Variants in PRKAA1 observed in about 807,000 individuals in gnomAD.
PRKAA1 encodes the protein protein kinase AMP-activated catalytic subunit alpha 1.
In PRKAA1, 23 loss-of-function variants were observed where a neutral mutation model predicts 56.9. The observed-to-expected ratio is 0.40, with a 90% CI of 0.29 to 0.57. The LOEUF (loss-of-function observed/expected upper bound fraction) is 0.57, where lower values mean the gene tolerates loss of function less well. Among genes scored for constraint, PRKAA1 ranks in the 20% least tolerant of loss-of-function variants. The pLI is 0.39. For missense variants in PRKAA1, 413 were observed against 679.7 expected (o/e 0.61, Z 4.36); for synonymous variants, 226 against 227.0 (o/e 1.00, Z 0.04).
At chr5:40,784,779 T>C (rs138659384) in intron 1 of PRKAA1, among the ~76,000 whole-genome samples, 5 of 152,290 alleles carry the variant, frequency 3.3e-5, no homozygotes, top group South Asian at 2.1e-4. Flanking sequence ...TACAGGAAAC[T>C]GAGGCACAGA....
intron 1 of PRKAA1, among the ~76,000 whole-genome samples, chr5:40,787,322 G>A (rs193212322): frequency 1.7e-4 from 26 of 151,820 alleles, no homozygotes; most frequent in East Asian, 1.6e-3. Flanking sequence ...AAAATTAGCC[G>A]GGCGTGGTGG....
rs154283 is a variant in PRKAA1 at position 40,787,831 on chromosome 5, A to C, written c.127+10232T>G. Among the ~76,000 whole-genome samples, 170 of 152,350 alleles carry C rather than the reference A, an allele frequency of 1.1e-3. 1 individual carries two copies. In the East Asian group the frequency reaches 0.028, roughly 25 times the overall value. ...AACAATTAACAAAATGGCACTACTA[A>C]GTCCTTACCTATCAATAATTACTTC... On this transcript the variant is annotated intron_variant, in intron 1 of 8. Coordinates refer to ENST00000397128, the MANE Select transcript of PRKAA1 (RefSeq NM_006251.6).
intron 1 of PRKAA1, among the ~76,000 whole-genome samples, chr5:40,780,006 CTA>C (rs1744198500): frequency 1.3e-5 from 2 of 152,192 alleles, no homozygotes; most frequent in East Asian, 1.9e-4. Context: ...CAAATTGGCA[CTA>C]TGTGTGAAAG....
rs192700755 is a variant in PRKAA1 at position 40,795,634 on chromosome 5, G to A, written c.127+2429C>T. Among the ~76,000 whole-genome samples, 6 of 152,200 alleles carry A rather than the reference G, an allele frequency of 3.9e-5. No individual in the cohort carries two copies. In the East Asian group the frequency reaches 1.2e-3, roughly 29 times the overall value. Reference sequence around the variant, plus strand: ...TTCCCTGCTGGAAGGACTTATCTGTGGAAAGAGAACCACAGATAAGTTCTT... The same window carrying A: ...TTCCCTGCTGGAAGGACTTATCTGTAGAAAGAGAACCACAGATAAGTTCTT... On this transcript the variant is annotated intron_variant, in intron 1 of 8. Coordinates refer to ENST00000397128, the MANE Select transcript of PRKAA1 (RefSeq NM_006251.6).
rs1406086689 is a variant in PRKAA1 at position 40,775,473 on chromosome 5, A to G, written c.300T>C (p.Ile100=). 6.2e-7 allele frequency: 1 copy of G among 1,607,320 alleles called. No homozygotes were observed. Among genetic ancestry groups the G allele is most frequent in the East Asian group, 2.2e-5 (1 of 44,808 alleles). Residue 100 remains isoleucine (I), a synonymous_variant, in exon 3 of 9, where the codon ATT becomes ATC. Transcript: ENST00000397128. ...LYQVISTPSD[I]FMVMEYVSGG... is the part of the protein sequence containing the mutation. ...CTGAGACATATTCCATCACCATGAA[A>G]ATATCAGATGGTGTACTGATGACCT...
rs111400130 is a variant in PRKAA1 at position 40,773,214 on chromosome 5, C to T, written c.364-1351G>A. Reference sequence around the variant, plus strand: ...CAAGAAACTATTATAAGATACCATTCCTCTAGAAAAATACTAATCCTTTAG... The same window carrying T: ...CAAGAAACTATTATAAGATACCATTTCTCTAGAAAAATACTAATCCTTTAG... On this transcript the variant is annotated intron_variant, in intron 3 of 8. Coordinates refer to ENST00000397128, the MANE Select transcript of PRKAA1 (RefSeq NM_006251.6). 6.1e-3 allele frequency among the ~76,000 whole-genome samples: 929 copies of T among 152,120 alleles called. 13 individuals carry two copies. The highest frequency in any genetic ancestry group is 0.021 in the African/African-American group (879 of 41,510).
In PRKAA1 at chr5:40,794,510, CTTTGTT is replaced by C. The variant is rs1252485140; in HGVS notation, c.127+3547_127+3552del. ...ATTTAATTAGGTCCCATCTATTTAT[CTTTGTT>C]TTTATTGCATTTGCTTTTGGGTTCT... On this transcript the variant is annotated intron_variant, in intron 1 of 8. Coordinates refer to ENST00000397128, the MANE Select transcript of PRKAA1 (RefSeq NM_006251.6). 2.0e-4 allele frequency among the ~76,000 whole-genome samples: 26 copies of C among 129,454 alleles called. 10 individuals are homozygous for C. Among genetic ancestry groups the C allele is most frequent in the South Asian group, 1.2e-3 (5 of 4,048 alleles). The allele number at this position is 129,454 out of a possible 152,430, so 84.9% of individuals were successfully genotyped here. A position where few individuals can be genotyped will look rare whatever the true frequency, so the allele number is the denominator to read the frequency against.
rs1046179142 is a variant in PRKAA1, at chr5:40,760,957, T to C, written c.*1821A>G. On this transcript the variant is annotated 3_prime_UTR_variant, in exon 9 of 9. Transcript: ENST00000397128. ...AATGATACAATATTATCATACACGA[T>C]ACCAATTTTATCTGAGGTGACTACA... is the stretch of plus-strand genomic sequence containing the variant. The C allele has an allele frequency of 2.0e-5, 3 of 152,300 alleles. No individual in the cohort carries two copies. The highest frequency in any genetic ancestry group is 2.1e-4 in the South Asian group (1 of 4,834). The allele number at this position is 152,300 out of a possible 1,614,324, so 9.4% of individuals were successfully genotyped here.
In PRKAA1 at chr5:40,765,220, T is replaced by C; in HGVS notation, c.840A>G (p.Lys280=). ...IKDIREHEWF[K]QDLPKYLFPE... ...GAAAGAGATATTTTGGAAGGTCCTGTTTAAACCATTCATGTTCCCTGAGAG... is the reference window on the plus strand; with the variant it reads ...GAAAGAGATATTTTGGAAGGTCCTGCTTAAACCATTCATGTTCCCTGAGAG... Residue 280 remains lysine (K), a synonymous_variant, in exon 7 of 9, where the codon AAA becomes AAG. Coordinates refer to ENST00000397128, the MANE Select transcript of PRKAA1 (RefSeq NM_006251.6). 1 of 1,612,064 alleles carries C rather than the reference T, an allele frequency of 6.2e-7. No individual in the cohort carries two copies. The highest frequency in any genetic ancestry group is 1.1e-5 in the South Asian group (1 of 90,742).
chr5:40,782,788 A>G (rs1378173543), intron 1 of PRKAA1, among the ~76,000 whole-genome samples: 2 of 152,194 alleles, frequency 1.3e-5, no homozygotes, highest in East Asian at 1.9e-4. Flanking sequence ...GGAATTGAGT[A>G]TAATTTAACT....
At chr5:40,786,809 A>AT (rs1184160102) in intron 1 of PRKAA1, among the ~76,000 whole-genome samples, 4 of 149,482 alleles carry the variant, frequency 2.7e-5, no homozygotes, top group African/African-American at 9.9e-5. Flanking sequence ...AAAAAAAAAA[A>AT]AAAGCTGCCA....
chr5:40,760,288 T>A lies in PRKAA1; in HGVS notation c.*2490A>T, dbSNP rs892017582. 6.5e-6 allele frequency: 1 copy of A among 152,678 alleles called. No individual in the cohort carries two copies. The highest frequency in any genetic ancestry group is 2.4e-5 in the African/African-American group (1 of 41,454). 9.5% of individuals were successfully genotyped at this position (152,678 alleles called of 1,614,324 possible). A position where few individuals can be genotyped will look rare whatever the true frequency, so the allele number is the denominator to read the frequency against. On this transcript the variant is annotated 3_prime_UTR_variant, in exon 9 of 9. Coordinates refer to ENST00000397128, the MANE Select transcript of PRKAA1 (RefSeq NM_006251.6). ...TTGTCTGTGCATTTATCATACTATTTATAGAAGTGCAATATTTAAATATTT... is the reference window on the plus strand; with the variant it reads ...TTGTCTGTGCATTTATCATACTATTAATAGAAGTGCAATATTTAAATATTT...
chr5:40,766,577 T>C (rs1743445282), intron 6 of PRKAA1, among the ~76,000 whole-genome samples: 1 of 152,110 alleles, frequency 6.6e-6, no homozygotes, highest in Admixed American at 6.5e-5. Flanking sequence ...TTGCATGTAA[T>C]TCAATGTATA....
At position 40,798,091 on chromosome 5, in the gene PRKAA1, C is replaced by T; in HGVS notation, c.99G>A (p.Leu33=). 2 of 1,609,810 alleles carry T rather than the reference C, an allele frequency of 1.2e-6. No individual in the cohort carries two copies. Among genetic ancestry groups the T allele is most frequent in the Non-Finnish European group, 1.7e-6 (2 of 1,177,644 alleles). The change falls in exon 1 of 9, where the codon CTG becomes CTA. Residue 33 remains leucine (L), a synonymous_variant. Coordinates refer to ENST00000397128, the MANE Select transcript of PRKAA1 (RefSeq NM_006251.6). The part of the protein sequence containing the change: ...KIGHYILGDT[L]GVGTFGKVKV... The stretch of plus-strand genomic sequence containing the variant: ...TCACTTTGCCGAAGGTGCCGACCCC[C>T]AGCGTGTCACCCAGAATGTAGTGGC...
In PRKAA1 at chr5:40,762,900, A is replaced by T. The variant is rs1743257560; in HGVS notation, c.1558T>A (p.Ser520Thr). The change falls in exon 9 of 9, where the codon TCT (serine) becomes ACT (threonine). Residue 520 changes from serine to threonine, a missense_variant. Transcript: ENST00000397128. ...AGTGAGGTCACAGATGAGGTAAGAG[A>T]AACTTCTGAGGATTTTCCTTGAGCC... ...AEAQGKSSEV[S>T]LTSSVTSLDS... 6.2e-7 allele frequency: 1 copy of T among 1,614,222 alleles called. No individual in the cohort carries two copies. The highest frequency in any genetic ancestry group is 1.3e-5 in the African/African-American group (1 of 75,064).
rs1391375990 is a variant in PRKAA1 at position 40,785,835 on chromosome 5, CACACAGAGAGAGAGAG to C, written c.128-8265_128-8250del. 6.1e-3 allele frequency among the ~76,000 whole-genome samples: 865 copies of C among 142,068 alleles called. 9 individuals carry two copies. The highest frequency in any genetic ancestry group is 0.042 in the Middle Eastern group (11 of 264). 93.2% of individuals were successfully genotyped at this position (142,068 alleles called of 152,430 possible). A position where few individuals can be genotyped will look rare whatever the true frequency, so the allele number is the denominator to read the frequency against. ...AAGAAGAGGAGAGCACACACACACA[CACACAGAGAGAGAGAG>C]AGAGAGAGAGAGAGAGAGAGAGAGA... On this transcript the variant is annotated intron_variant, in intron 1 of 8. Transcript: ENST00000397128.
chr5:40,783,150 CTTCT>C (rs1174554980), intron 1 of PRKAA1, among the ~76,000 whole-genome samples: 2 of 151,872 alleles, frequency 1.3e-5, no homozygotes, highest in Non-Finnish European at 2.9e-5. Context: ...TGTAGTTTTC[CTTCT>C]AAGAATTTGA....
chr5:40,798,216 C>A lies in PRKAA1; in HGVS notation c.-27G>T. Reference sequence around the variant, plus strand: ...GCGCTGCGGGAGGGGGCGGAGGGGGCGGGCAGGGCCGCGCCGGGGGCGGGC... The same window carrying A: ...GCGCTGCGGGAGGGGGCGGAGGGGGAGGGCAGGGCCGCGCCGGGGGCGGGC... On this transcript the variant is annotated 5_prime_UTR_variant, in exon 1 of 9. Coordinates refer to ENST00000397128, the MANE Select transcript of PRKAA1 (RefSeq NM_006251.6). The A allele has an allele frequency of 8.9e-6, 1 of 112,880 alleles. No individual in the cohort carries two copies. Among genetic ancestry groups the A allele is most frequent in the Non-Finnish European group, 1.8e-5 (1 of 54,370 alleles). 7.0% of individuals were successfully genotyped at this position (112,880 alleles called of 1,614,324 possible).
chr5:40,798,017 T>G, intron 1 of PRKAA1, 46 bp downstream of exon 1: 3 of 1,593,548 alleles, frequency 1.9e-6, no homozygotes, highest in Middle Eastern at 1.9e-4. Context: ...GCGGAAGTCG[T>G]GCGGCTCCTC....
Sources: allele counts gnomAD v4.1 joint callset (sites outside exome capture counted in the v4.1 genomes callset), GRCh38; gene constraint gnomAD v4.1.1; transcripts MANE v1.5; gene names NCBI Gene and HGNC (gene_info 2026-07-23, HGNC 2026-07-21).